The following RAB38 variants were observed in gnomAD, a reference collection of about 807,000 sequenced individuals.
RAB38 encodes the protein ras-related protein Rab-38.
RAB38 carries 15 observed loss-of-function variants against 18.4 expected under a neutral mutation model. That is an observed-to-expected ratio of 0.82 (90% CI 0.55 to 1.26). The LOEUF (loss-of-function observed/expected upper bound fraction) is 1.26. Among genes scored for constraint, RAB38 ranks in the 50% most tolerant of loss-of-function variants. RAB38 has a pLI of 0.00. For missense variants in RAB38, 294 were observed against 267.4 expected (o/e 1.10, Z -0.69); for synonymous variants, 101 against 104.4 (o/e 0.97, Z 0.20).
chr11:88,063,436 A>G, the RAB38 span, among the ~76,000 whole-genome samples: 1 of 152,144 alleles, frequency 6.6e-6, no homozygotes, highest in African/African-American at 2.4e-5. Flanking sequence ...ATGGCCAAGG[A>G]GAAAAATGCA....
the RAB38 span, among the ~76,000 whole-genome samples, chr11:87,864,861 A>G: frequency 6.6e-6 from 1 of 151,774 alleles, no homozygotes; most frequent in African/African-American, 2.4e-5. Context: ...AGCAGTTCTC[A>G]GTGAGGTTGC....
the RAB38 span, among the ~76,000 whole-genome samples, chr11:87,974,068 T>C: frequency 6.6e-6 from 1 of 151,828 alleles, no homozygotes; most frequent in East Asian, 1.9e-4. Context: ...TCATCAACAA[T>C]TGTCCAAAAT....
At chr11:87,951,203 C>T in the RAB38 span, among the ~76,000 whole-genome samples, 1 of 152,172 alleles carries the variant, frequency 6.6e-6, no homozygotes, top group Non-Finnish European at 1.5e-5. Flanking sequence ...CTGCATTCGT[C>T]ACATAGCTCT....
At chr11:87,840,903 G>A in the RAB38 span, among the ~76,000 whole-genome samples, 2 of 151,902 alleles carry the variant, frequency 1.3e-5, no homozygotes, top group South Asian at 2.1e-4. Flanking sequence ...GCTCACCAAG[G>A]AACAGCTGTA....
chr11:88,149,908 T>C lies in RAB38; in HGVS notation c.250A>G (p.Met84Val), dbSNP rs140912752. ...NMTRVYYREA[M>V]GAFIVFDVTR... The stretch of plus-strand genomic sequence containing the variant: ...ACATCGAAGACAATAAATGCACCCA[T>C]AGCTTCTCGGTAATAGACCCTCGTC... The change falls in exon 2 of 3, where the codon ATG becomes GTG. Residue 84 changes from methionine to valine, a missense_variant. Met to Val is a conservative substitution (Grantham distance 21). Coordinates refer to ENST00000243662, the MANE Select transcript of RAB38 (RefSeq NM_022337.3). 23 of 1,613,996 alleles carry C rather than the reference T, an allele frequency of 1.4e-5. No individual in the cohort carries two copies. The highest frequency in any genetic ancestry group is 1.7e-5 in the Admixed American group (1 of 59,994).
At chr11:87,933,497 C>T in the RAB38 span, among the ~76,000 whole-genome samples, 1 of 152,068 alleles carries the variant, frequency 6.6e-6, no homozygotes, top group Non-Finnish European at 1.5e-5. Flanking sequence ...AGAGAAGGCA[C>T]AACCTGAAGA....
the RAB38 span, among the ~76,000 whole-genome samples, chr11:88,035,851 C>A: frequency 6.6e-6 from 1 of 151,922 alleles, no homozygotes; most frequent in Non-Finnish European, 1.5e-5. Flanking sequence ...CTACAACTAA[C>A]CTCAATGCCC....
the RAB38 span, among the ~76,000 whole-genome samples, chr11:88,023,910 A>G: frequency 2.0e-3 from 302 of 152,326 alleles, 2 homozygotes; most frequent in Non-Finnish European, 1.9e-3. Flanking sequence ...TGAATTAAAT[A>G]CTGAAATCTA....
At chr11:88,015,624 A>C in the RAB38 span, among the ~76,000 whole-genome samples, 1 of 152,058 alleles carries the variant, frequency 6.6e-6, no homozygotes, top group Non-Finnish European at 1.5e-5. Flanking sequence ...GGGGGATAAG[A>C]CTCCAGGAGA....
chr11:87,903,004 C>T, the RAB38 span, among the ~76,000 whole-genome samples: 4 of 150,686 alleles, frequency 2.7e-5, no homozygotes, highest in African/African-American at 9.7e-5. Context: ...TGATGCTGTC[C>T]GTGAATAGAA....
At chr11:88,155,304 T>G (rs1943111728) in intron 1 of RAB38, among the ~76,000 whole-genome samples, 1 of 152,090 alleles carries the variant, frequency 6.6e-6, no homozygotes, top group African/African-American at 2.4e-5. Context: ...CTTCCGCCAG[T>G]AAACAAGGAT....
At chr11:88,069,275 G>A in the RAB38 span, among the ~76,000 whole-genome samples, 1 of 152,202 alleles carries the variant, frequency 6.6e-6, no homozygotes, top group Non-Finnish European at 1.5e-5. Context: ...CTGGGCCTCA[G>A]CCACCTCCCC....
chr11:87,955,672 ATCTATCAATCAATCTT>A, the RAB38 span, among the ~76,000 whole-genome samples: 1,666 of 142,098 alleles, frequency 0.012, 26 homozygotes, highest in African/African-American at 0.04. Flanking sequence ...TCAATCATCT[ATCTATCAATCAATCTT>A]TCTATCATCT....
the RAB38 span, among the ~76,000 whole-genome samples, chr11:88,017,702 T>TTA: frequency 5.4e-4 from 78 of 144,520 alleles, no homozygotes; most frequent in African/African-American, 1.4e-3. Flanking sequence ...AAATTGTATT[T>TTA]TATATATATA....
chr11:87,897,104 TGAATA>T, the RAB38 span, among the ~76,000 whole-genome samples: 1 of 151,684 alleles, frequency 6.6e-6, no homozygotes, highest in East Asian at 2.0e-4. Context: ...ACTTTTAAAG[TGAATA>T]GAATAAGAAC....
chr11:88,102,182 A>G, the RAB38 span, among the ~76,000 whole-genome samples: 1 of 152,026 alleles, frequency 6.6e-6, no homozygotes, highest in Admixed American at 6.6e-5. Flanking sequence ...CCAGAGGATT[A>G]GGTTTTACTC....
At chr11:88,003,670 AT>A in the RAB38 span, among the ~76,000 whole-genome samples, 4 of 5,380 alleles carry the variant, frequency 7.4e-4, 2 homozygotes, top group Admixed American at 0.017. Flanking sequence ...TATATAATAT[AT>A]TATATATATT....
intron 1 of RAB38, among the ~76,000 whole-genome samples, chr11:88,172,442 A>G (rs1943320777): frequency 6.6e-6 from 1 of 152,238 alleles, no homozygotes; most frequent in Admixed American, 6.5e-5. Flanking sequence ...ATTGAACCAA[A>G]TGAGTATCAA....
chr11:87,858,132 A>G, the RAB38 span, among the ~76,000 whole-genome samples: 3 of 152,084 alleles, frequency 2.0e-5, no homozygotes, highest in Non-Finnish European at 2.9e-5. Context: ...TCCTTTCCCC[A>G]TTTCTTGTTT....
Sources: gnomAD v4.1 joint callset for allele counts (sites outside exome capture counted in the v4.1 genomes callset) on GRCh38, gnomAD v4.1.1 for gene constraint, MANE v1.5 for transcripts, NCBI Gene and HGNC (gene_info 2026-07-23, HGNC 2026-07-21) for gene names.